Variants in MED12L observed in about 807,000 individuals in gnomAD.
MED12L encodes mediator of RNA polymerase II transcription subunit 12-like protein.
MED12L carries 60 observed loss-of-function variants against 281.3 expected under a neutral mutation model. The observed-to-expected ratio is 0.21, with a 90% CI of 0.17 to 0.26. The LOEUF (loss-of-function observed/expected upper bound fraction) is 0.26, where lower values mean the gene tolerates loss of function less well. Among genes scored for constraint, MED12L ranks in the 10% least tolerant of loss-of-function variants. The pLI, the probability that MED12L is intolerant of heterozygous loss-of-function variation, is 1.00. For missense variants in MED12L, 2,146 were observed against 2,680.9 expected (o/e 0.80, Z 4.41); for synonymous variants, 974 against 987.2 (o/e 0.99, Z 0.25).
At chr3:151,426,821 T>C (rs1232425422) in intron 43 of MED12L, among the ~76,000 whole-genome samples, 1 of 5,070 alleles carries the variant, frequency 2.0e-4, no homozygotes, top group Non-Finnish European at 6.0e-4. Context: ...ATGGTTTTAC[T>C]TTTTTTTTTT....
intron 2 of MED12L, among the ~76,000 whole-genome samples, chr3:151,091,536 G>C (rs1014024093): frequency 6.6e-6 from 1 of 152,188 alleles, no homozygotes; most frequent in Non-Finnish European, 1.5e-5. Flanking sequence ...TGCTTGATAC[G>C]AGCAGGGCTG....
At chr3:151,143,573 A>G (rs1432637983) in intron 5 of MED12L, among the ~76,000 whole-genome samples, 1 of 152,216 alleles carries the variant, frequency 6.6e-6, no homozygotes, top group Non-Finnish European at 1.5e-5. Flanking sequence ...AGCAGCAAGT[A>G]TCTTTCACCA....
chr3:151,123,157 C>A (rs1353121567), intron 4 of MED12L, among the ~76,000 whole-genome samples, 183 bp downstream of exon 4: 2 of 152,136 alleles, frequency 1.3e-5, no homozygotes, highest in African/African-American at 4.8e-5. Flanking sequence ...CATGTAGTGC[C>A]TAGGACATCT....
intron 23 of MED12L, among the ~76,000 whole-genome samples, chr3:151,366,371 G>A (rs1328426760): frequency 1.3e-5 from 2 of 152,116 alleles, no homozygotes; most frequent in Non-Finnish European, 2.9e-5. Context: ...TTCTGAAGAA[G>A]GCCACTTTGA....
At chr3:151,153,152 T>A (rs1178368920) in intron 5 of MED12L, among the ~76,000 whole-genome samples, 2 of 152,344 alleles carry the variant, frequency 1.3e-5, no homozygotes, top group East Asian at 3.9e-4. Flanking sequence ...ATCACAGTGC[T>A]AATAACTCTA....
At chr3:151,406,091 T>G (rs1459969664) in intron 39 of MED12L, among the ~76,000 whole-genome samples, 1 of 152,232 alleles carries the variant, frequency 6.6e-6, no homozygotes, top group African/African-American at 2.4e-5. Flanking sequence ...TGTCCTGATT[T>G]GCCAGGCATG....
chr3:151,210,295 C>A (rs1192020340), intron 16 of MED12L, among the ~76,000 whole-genome samples: 1 of 152,158 alleles, frequency 6.6e-6, no homozygotes, highest in African/African-American at 2.4e-5. Context: ...ATGATAGCTG[C>A]ATGGTTGAGA....
chr3:151,102,785 A>G (rs896561942), intron 2 of MED12L, among the ~76,000 whole-genome samples: 1 of 152,122 alleles, frequency 6.6e-6, no homozygotes, highest in African/African-American at 2.4e-5. Context: ...GTTATTTTTC[A>G]TGAATTTGCA....
In MED12L at chr3:151,252,328, A is replaced by G. The variant is rs142923365; in HGVS notation, c.2250+58662A>G. Among the ~76,000 whole-genome samples the G allele has an allele frequency of 3.4e-3, 523 of 152,284 alleles. 1 individual carries two copies. The highest frequency in any genetic ancestry group is 0.012 in the African/African-American group (492 of 41,570). On this transcript the variant is annotated intron_variant, in intron 16 of 44. Transcript: ENST00000687756. Reference sequence around the variant, plus strand: ...GTTCCATTATTGGGACACTAAGCTCATGGGAGTTATTCATATCCTATTGCT... The same window carrying G: ...GTTCCATTATTGGGACACTAAGCTCGTGGGAGTTATTCATATCCTATTGCT...
chr3:151,373,712 A>C (rs1184591091), intron 27 of MED12L, among the ~76,000 whole-genome samples: 1 of 152,172 alleles, frequency 6.6e-6, no homozygotes, highest in African/African-American at 2.4e-5. Context: ...AGACTGTCCC[A>C]GATTTGTGCA....
At position 151,126,774 on chromosome 3, in the gene MED12L, C is replaced by T. The variant is rs141936488; in HGVS notation, c.397-1051C>T. On this transcript the variant is annotated intron_variant, in intron 4 of 44. Transcript: ENST00000687756. The stretch of plus-strand genomic sequence containing the variant: ...GGCATGGAGAAATCCTTGGAACTGA[C>T]AACAAAATAATCATTGTAATTTTGA... 5.9e-5 allele frequency among the ~76,000 whole-genome samples: 9 copies of T among 152,298 alleles called. No homozygotes were observed. In the East Asian group the frequency reaches 1.7e-3, roughly 29 times the overall value.
chr3:151,344,763 A>G (rs1334790159), intron 16 of MED12L, among the ~76,000 whole-genome samples: 2 of 152,188 alleles, frequency 1.3e-5, no homozygotes, highest in South Asian at 2.1e-4. Context: ...TCTGAGTGAG[A>G]TCTTTTTCAT....
At chr3:151,113,972 T>A (rs965003934) in intron 2 of MED12L, among the ~76,000 whole-genome samples, 1 of 152,182 alleles carries the variant, frequency 6.6e-6, no homozygotes, top group Non-Finnish European at 1.5e-5. Context: ...ATGCTGTTAC[T>A]CAATGTTTCT....
At chr3:151,193,439 G>A (rs1724243651) in intron 15 of MED12L, 51 bp from the exon 16 acceptor site, 1 of 1,519,944 alleles carries the variant, frequency 6.6e-7, no homozygotes, top group Non-Finnish European at 9.0e-7. Context: ...CTGTGGTTTG[G>A]TTTTGCTGGC....
In MED12L at chr3:151,193,517, T is replaced by C. The variant is rs769588884; in HGVS notation, c.2101T>C (p.Cys701Arg). The C allele has an allele frequency of 1.9e-6, 3 of 1,613,718 alleles. No homozygotes were observed. The highest frequency in any genetic ancestry group is 1.1e-5 in the South Asian group (1 of 91,054). ...TTTTTCTCCTATGCCTGGAGAATCC[T>C]GTGAGAATGCCAACACTTCGTTGGG... ...PIFSPMPGES[C>R]ENANTSLGRR... The change falls in exon 16 of 45, where the codon TGT (cysteine) becomes CGT (arginine). Residue 701 changes from cysteine (C) to arginine (R), a missense_variant. Physicochemically the swap from Cys to Arg is radical, Grantham distance 180. Transcript: ENST00000687756.
rs577446863 is a variant in MED12L, at chr3:151,376,242, T to C, written c.4053+28T>C. 3.3e-5 allele frequency: 45 copies of C among 1,359,834 alleles called. No individual in the cohort carries two copies. In the South Asian group the frequency reaches 9.3e-4, roughly 28 times the overall value. The allele number at this position is 1,359,834 out of a possible 1,614,324, so 84.2% of individuals were successfully genotyped here. A position where few individuals can be genotyped will look rare whatever the true frequency, so the allele number is the denominator to read the frequency against. On this transcript the variant is annotated intron_variant, in intron 28 of 44. Coordinates refer to ENST00000687756, the MANE Select transcript of MED12L (RefSeq NM_001393769.1). ...CAGTCGTATACAGATTGTGTTTCTG[T>C]CATTTGATAAATTCTTCGTAATAAT...
intron 16 of MED12L, among the ~76,000 whole-genome samples, chr3:151,331,799 C>T (rs1476561817): frequency 1.3e-5 from 2 of 152,140 alleles, no homozygotes; most frequent in African/African-American, 4.8e-5. Flanking sequence ...TTAACAATCC[C>T]CAGAGATTGG....
chr3:151,276,691 C>T (rs556077838), intron 16 of MED12L, among the ~76,000 whole-genome samples: 49 of 152,270 alleles, frequency 3.2e-4, no homozygotes, highest in Non-Finnish European at 5.7e-4. Context: ...TCTAGGGAGC[C>T]GTGTTCTTCT....
intron 43 of MED12L, 110 bp from the exon 44 acceptor site, chr3:151,430,189 G>A (rs762430041): frequency 1.2e-4 from 170 of 1,469,104 alleles, no homozygotes; most frequent in East Asian, 2.8e-4. Context: ...CCCTTTTTTC[G>A]TGAAGTGTTG....
Sources: allele counts gnomAD v4.1 joint callset (sites outside exome capture counted in the v4.1 genomes callset), GRCh38; gene constraint gnomAD v4.1.1; transcripts MANE v1.5; gene names NCBI Gene and HGNC (gene_info 2026-07-23, HGNC 2026-07-21).